Variants in RAB17 observed in about 807,000 individuals in gnomAD.
The protein encoded by RAB17 is ras-related protein Rab-17.
RAB17 carries 15 observed loss-of-function variants against 19.3 expected under a neutral mutation model. The observed-to-expected ratio is 0.78, with a 90% CI of 0.52 to 1.20. RAB17 has a LOEUF of 1.20. Ranked by LOEUF, RAB17 falls within the 50% of genes most tolerant of loss-of-function variation. The pLI is 0.00. For synonymous variants in RAB17, 110 were observed against 112.8 expected (o/e 0.97, Z 0.16); for missense variants, 262 against 269.3 (o/e 0.97, Z 0.19).
Position 237,574,691 on chromosome 2 carries a change from G to C in RAB17, c.*328C>G. ...ATCTTCCCACCGTCGCTGTGCTGCG[G>C]GGACTTTTCCAATCCTTCCTTCCTC... On this transcript the variant is annotated 3_prime_UTR_variant, in exon 6 of 6. Coordinates refer to ENST00000264601, the MANE Select transcript of RAB17 (RefSeq NM_022449.4). 2 of 1,434,218 alleles carry C rather than the reference G, an allele frequency of 1.4e-6. No individual in the cohort carries two copies. The highest frequency in any genetic ancestry group is 1.8e-6 in the Non-Finnish European group (2 of 1,094,106). 88.8% of individuals were successfully genotyped at this position (1,434,218 alleles called of 1,614,324 possible). A position where few individuals can be genotyped will look rare whatever the true frequency, so the allele number is the denominator to read the frequency against.
At chr2:237,587,476 C>T (rs1308005553) in intron 1 of RAB17, among the ~76,000 whole-genome samples, 1 of 152,142 alleles carries the variant, frequency 6.6e-6, no homozygotes, top group African/African-American at 2.4e-5. Context: ...GCCCACATGC[C>T]CTCACTGCCG....
At chr2:237,585,526 G>T (rs1438983869) in intron 2 of RAB17, 2 of 147,438 alleles carry the variant, frequency 1.4e-5, no homozygotes, top group African/African-American at 5.5e-5. Flanking sequence ...CCCAATCCAG[G>T]CCAAGCTGGT....
intron 2 of RAB17, 175 bp from the exon 3 acceptor site, chr2:237,578,330 C>T: frequency 1.7e-6 from 1 of 603,052 alleles, no homozygotes; most frequent in South Asian, 2.2e-5. Flanking sequence ...GGAGATGGAG[C>T]CTTCCACATC....
chr2:237,580,916 TC>T (rs2081303452), intron 2 of RAB17, among the ~76,000 whole-genome samples: 1 of 152,190 alleles, frequency 6.6e-6, no homozygotes, highest in African/African-American at 2.4e-5. Flanking sequence ...ACCCTTCCCT[TC>T]CCTGCAGAGA....
chr2:237,579,101 C>G (rs1427850028), intron 2 of RAB17: 1 of 152,134 alleles, frequency 6.6e-6, no homozygotes, highest in Non-Finnish European at 1.5e-5. Flanking sequence ...GTGTTATACA[C>G]AGAACTGGAG....
rs143869986 is a variant in RAB17 at position 237,589,145 on chromosome 2, A to G, written c.-4+1322T>C. Among the ~76,000 whole-genome samples, 133 of 150,668 alleles carry G rather than the reference A, an allele frequency of 8.8e-4. 2 individuals are homozygous for G. In the East Asian group the frequency reaches 0.012, roughly 13 times the overall value. On this transcript the variant is annotated intron_variant, in intron 1 of 5. Coordinates refer to ENST00000264601, the MANE Select transcript of RAB17 (RefSeq NM_022449.4). ...TGAGGCAGGAAAATCGCTTGAACCCAGGAGGCAGAGGTTTCAGCGAGCCAA... is the reference window on the plus strand; with the variant it reads ...TGAGGCAGGAAAATCGCTTGAACCCGGGAGGCAGAGGTTTCAGCGAGCCAA...
chr2:237,586,264 C>G (rs1318041811), intron 1 of RAB17, 107 bp from the exon 2 acceptor site: 21 of 1,223,844 alleles, frequency 1.7e-5, no homozygotes, highest in Non-Finnish European at 2.1e-5. Context: ...TGGCCCAATA[C>G]AGAGCTCCCA....
Position 237,586,402 on chromosome 2 carries a change from T to C in RAB17, c.-3-245A>G, listed in dbSNP as rs116148451. On this transcript the variant is annotated intron_variant, in intron 1 of 5. Transcript: ENST00000264601. Reference sequence around the variant, plus strand: ...ACAAAAGGAGCTTTGCTTGGAAAGCTCCGGGCACGGGTCATTGCAGACCCT... The same window carrying C: ...ACAAAAGGAGCTTTGCTTGGAAAGCCCCGGGCACGGGTCATTGCAGACCCT... Among the ~76,000 whole-genome samples the C allele has an allele frequency of 4.5e-3, 688 of 152,222 alleles. 5 individuals are homozygous for C. Among genetic ancestry groups the C allele is most frequent in the African/African-American group, 0.015 (635 of 41,520 alleles).
chr2:237,574,806 G>A lies in RAB17; in HGVS notation c.*213C>T. Reference sequence around the variant, plus strand: ...AATCAGATGGTATCAGTGGGGATAGGGCACAGCACTTTCCTGGGAGCCATG... The same window carrying A: ...AATCAGATGGTATCAGTGGGGATAGAGCACAGCACTTTCCTGGGAGCCATG... On this transcript the variant is annotated 3_prime_UTR_variant, in exon 6 of 6. Transcript: ENST00000264601. 1 of 912,522 alleles carries A rather than the reference G, an allele frequency of 1.1e-6. No individual in the cohort carries two copies. Among genetic ancestry groups the A allele is most frequent in the Non-Finnish European group, 1.6e-6 (1 of 635,376 alleles). The allele number at this position is 912,522 out of a possible 1,614,324, so 56.5% of individuals were successfully genotyped here.
At position 237,574,378 on chromosome 2, in the gene RAB17, T is replaced by G. The variant is rs1489316115; in HGVS notation, c.*641A>C. Reference sequence around the variant, plus strand: ...GAAAAACTGCATACGCAGTACAACTTATATCTCAGGCGAAATGTCTCAGAA... The same window carrying G: ...GAAAAACTGCATACGCAGTACAACTGATATCTCAGGCGAAATGTCTCAGAA... On this transcript the variant is annotated 3_prime_UTR_variant, in exon 6 of 6. Coordinates refer to ENST00000264601, the MANE Select transcript of RAB17 (RefSeq NM_022449.4). 2 of 1,518,698 alleles carry G rather than the reference T, an allele frequency of 1.3e-6. No homozygotes were observed. Among genetic ancestry groups the G allele is most frequent in the African/African-American group, 2.8e-5 (2 of 71,976 alleles). The allele number at this position is 1,518,698 out of a possible 1,614,324, so 94.1% of individuals were successfully genotyped here.
intron 1 of RAB17, 53 bp from the exon 2 acceptor site, chr2:237,586,210 C>T: frequency 2.6e-6 from 4 of 1,522,474 alleles, no homozygotes; most frequent in Non-Finnish European, 3.5e-6. Context: ...GCCACATCAT[C>T]TCAGCAAGCT....
Position 237,574,380 on chromosome 2 carries a change from T to C in RAB17, c.*639A>G, listed in dbSNP as rs1286759968. On this transcript the variant is annotated 3_prime_UTR_variant, in exon 6 of 6. Coordinates refer to ENST00000264601, the MANE Select transcript of RAB17 (RefSeq NM_022449.4). ...AAAACTGCATACGCAGTACAACTTATATCTCAGGCGAAATGTCTCAGAATC... is the reference window on the plus strand; with the variant it reads ...AAAACTGCATACGCAGTACAACTTACATCTCAGGCGAAATGTCTCAGAATC... 9 of 1,520,290 alleles carry C rather than the reference T, an allele frequency of 5.9e-6. No individual in the cohort carries two copies. The highest frequency in any genetic ancestry group is 4.9e-5 in the East Asian group (2 of 40,454). 94.2% of individuals were successfully genotyped at this position (1,520,290 alleles called of 1,614,324 possible).
chr2:237,578,323 G>T, intron 2 of RAB17, 168 bp from the exon 3 acceptor site: 1 of 624,306 alleles, frequency 1.6e-6, no homozygotes, highest in Non-Finnish European at 2.7e-6. Flanking sequence ...TCTTCTGGGA[G>T]ATGGAGCCTT....
chr2:237,578,062 C>T lies in RAB17; in HGVS notation c.251G>A (p.Cys84Tyr). 6.2e-7 allele frequency: 1 copy of T among 1,613,758 alleles called. No homozygotes were observed. Residue 84 changes from cysteine to tyrosine, a missense_variant, in exon 3 of 6, where the codon TGC (cysteine) becomes TAC (tyrosine). Cys to Tyr is a radical substitution (Grantham distance 194). Transcript: ENST00000264601. ...TAGQEKYHSV[C>Y]HLYFRGANAA... is the part of the protein sequence containing the mutation. ...GTTGGCACCCCTGAAGTAGAGGTGGCAGACGCTGTGGTACTTCTCCTGGCC... is the reference window on the plus strand; with the variant it reads ...GTTGGCACCCCTGAAGTAGAGGTGGTAGACGCTGTGGTACTTCTCCTGGCC...
intron 2 of RAB17, chr2:237,579,449 A>C (rs760644334): frequency 4.6e-5 from 7 of 152,118 alleles, no homozygotes; most frequent in Non-Finnish European, 8.8e-5. Flanking sequence ...GGCCTCCTCC[A>C]GCTTCAGGGG....
chr2:237,578,212 C>T (rs1301736035), intron 2 of RAB17, 57 bp from the exon 3 acceptor site: 2 of 1,538,830 alleles, frequency 1.3e-6, no homozygotes, highest in African/African-American at 2.7e-5. Context: ...ACATGCGGCT[C>T]AGGTGGGACC....
intron 2 of RAB17, among the ~76,000 whole-genome samples, chr2:237,580,655 C>G (rs145915197): frequency 2.0e-5 from 3 of 152,014 alleles, no homozygotes; most frequent in Admixed American, 1.3e-4. Flanking sequence ...AGGAGAATCG[C>G]TTGAACCCAG....
At chr2:237,584,156 C>T (rs528492163) in intron 2 of RAB17, among the ~76,000 whole-genome samples, 3 of 152,076 alleles carry the variant, frequency 2.0e-5, no homozygotes, top group African/African-American at 7.2e-5. Flanking sequence ...CCCGGCACCA[C>T]CCTGAAGCTT....
intron 2 of RAB17, chr2:237,579,664 C>T (rs1049478043): frequency 6.6e-6 from 1 of 152,130 alleles, no homozygotes; most frequent in Non-Finnish European, 1.5e-5. Flanking sequence ...GTCGCACTCA[C>T]AGGTTCCGGG....
Sources: gnomAD v4.1 joint callset for allele counts (sites outside exome capture counted in the v4.1 genomes callset) on GRCh38, gnomAD v4.1.1 for gene constraint, MANE v1.5 for transcripts, NCBI Gene and HGNC (gene_info 2026-07-23, HGNC 2026-07-21) for gene names.